The following TRPC3 variants were observed in gnomAD, a reference collection of about 807,000 sequenced individuals.
TRPC3 encodes the protein short transient receptor potential channel 3.
In TRPC3, 54 loss-of-function variants were observed where a neutral mutation model predicts 90.9. The observed-to-expected ratio is 0.59, with a 90% CI of 0.48 to 0.75. TRPC3 has a LOEUF of 0.75. TRPC3 is among the 30% of genes least tolerant of loss of function. TRPC3 has a pLI of 0.00. For missense variants in TRPC3, 918 were observed against 1,194.5 expected (o/e 0.77, Z 3.41); for synonymous variants, 424 against 450.9 (o/e 0.94, Z 0.75).
intron 2 of TRPC3, among the ~76,000 whole-genome samples, chr4:121,930,269 C>G (rs1729857128): frequency 6.6e-6 from 1 of 152,130 alleles, no homozygotes; most frequent in African/African-American, 2.4e-5. Flanking sequence ...CAAGCACTTT[C>G]CATATAATCT....
chr4:121,899,640 C>T lies in TRPC3; in HGVS notation c.2519G>A (p.Ser840Asn), dbSNP rs1281638595. Residue 840 changes from serine to asparagine, a missense_variant, in exon 10 of 12, where the codon AGC becomes AAC. Physicochemically the swap from Ser to Asn is conservative, Grantham distance 46. Transcript: ENST00000379645. ...SRVFESHSFNSILNQPTRYQQ... is the reference protein window; with the variant it reads ...SRVFESHSFNNILNQPTRYQQ... ...ATAACGTGTTGGCTGATTGAGAATGCTGTTAAAACTGTGTGATTCAAAAAC... is the reference window on the plus strand; with the variant it reads ...ATAACGTGTTGGCTGATTGAGAATGTTGTTAAAACTGTGTGATTCAAAAAC... 1.2e-5 allele frequency: 19 copies of T among 1,613,538 alleles called. No individual in the cohort carries two copies. The highest frequency in any genetic ancestry group is 1.6e-5 in the Non-Finnish European group (19 of 1,179,720).
In TRPC3 at chr4:121,905,215, AT is replaced by A. The variant is rs1465834965; in HGVS notation, c.2058-699del. Reference sequence around the variant, plus strand: ...CTTATATTCTTTTTTATATAAAAAAATCTCTGAAAATATCCAAAAGACACCA... The same window carrying A: ...CTTATATTCTTTTTTATATAAAAAAACTCTGAAAATATCCAAAAGACACCA... On this transcript the variant is annotated intron_variant, in intron 7 of 11. Coordinates refer to ENST00000379645, the MANE Select transcript of TRPC3 (RefSeq NM_001130698.2). 5.9e-5 allele frequency among the ~76,000 whole-genome samples: 9 copies of A among 152,288 alleles called. No homozygotes were observed. In the South Asian group the frequency reaches 1.0e-3, roughly 18 times the overall value.
chr4:121,910,094 C>A, intron 6 of TRPC3, 60 bp downstream of exon 6: 1 of 1,375,596 alleles, frequency 7.3e-7, no homozygotes, highest in South Asian at 1.2e-5. Context: ...CATTTCCTTC[C>A]AAAATGTGGT....
chr4:121,881,399 C>A (rs569130189), intron 11 of TRPC3, among the ~76,000 whole-genome samples: 1 of 151,950 alleles, frequency 6.6e-6, no homozygotes, highest in East Asian at 1.9e-4. Flanking sequence ...CCCTCTCCAC[C>A]CCCCATGGAG....
In TRPC3 at chr4:121,894,765, T is replaced by C. The variant is rs548400658; in HGVS notation, c.2547+4847A>G. 3.6e-4 allele frequency among the ~76,000 whole-genome samples: 54 copies of C among 152,048 alleles called. 1 individual carries two copies. Among genetic ancestry groups the C allele is most frequent in the Admixed American group, 3.3e-3 (50 of 15,262 alleles). On this transcript the variant is annotated intron_variant, in intron 10 of 11. Transcript: ENST00000379645. ...CTTTTGCAGAGACAAGGTCTCACCA[T>C]GTTGCCCAGGCTGGTCTCAAACTCC...
chr4:121,951,399 G>T lies in TRPC3; in HGVS notation c.215+67C>A. On this transcript the variant is annotated intron_variant, in intron 1 of 11. Transcript: ENST00000379645. This position sits in a 1 kb window ranked among gnomAD's most constrained non-coding sequence, Gnocchi z 4.4. ...GGCTCGACGTGGAGCCGCCCGGCGC[G>T]CGCCTTCCCGCCCCCCGCCCGGCAC... 9.3e-7 allele frequency: 1 copy of T among 1,071,494 alleles called. No individual in the cohort carries two copies. The highest frequency in any genetic ancestry group is 1.2e-6 in the Non-Finnish European group (1 of 868,708). 66.4% of individuals were successfully genotyped at this position (1,071,494 alleles called of 1,614,324 possible).
chr4:121,925,780 TCCCATGGTA>T (rs1188625638), intron 2 of TRPC3, among the ~76,000 whole-genome samples: 1 of 152,208 alleles, frequency 6.6e-6, no homozygotes, highest in African/African-American at 2.4e-5. Context: ...CATCGAAGCA[TCCCATGGTA>T]CCCATGGTAC....
intron 8 of TRPC3, among the ~76,000 whole-genome samples, chr4:121,903,595 C>T (rs190869309): frequency 7.0e-4 from 106 of 152,292 alleles, no homozygotes; most frequent in African/African-American, 2.4e-3. Flanking sequence ...ACTTGTTTTA[C>T]ATCTCCTTCC....
At chr4:121,890,431 A>G (rs1728285140) in intron 10 of TRPC3, among the ~76,000 whole-genome samples, 1 of 152,216 alleles carries the variant, frequency 6.6e-6, no homozygotes, top group Admixed American at 6.5e-5. Context: ...ACTGTATGCC[A>G]TAAGTATGCA....
Position 121,914,860 on chromosome 4 carries a change from T to C in TRPC3, c.1261A>G (p.Ile421Val), listed in dbSNP as rs139352023. 2 of 1,613,946 alleles carry C rather than the reference T, an allele frequency of 1.2e-6. No individual in the cohort carries two copies. Among genetic ancestry groups the C allele is most frequent in the East Asian group, 2.2e-5 (1 of 44,876 alleles). ...ACGACCAGCACAACGAGACACTTGA[T>C]AGCTATGGTCTGCTCCCTTAGGCCT... is the stretch of plus-strand genomic sequence containing the variant. Reference protein sequence around the residue: ...LSGLREQTIAIKCLVVLVVAL... With the variant: ...LSGLREQTIAVKCLVVLVVAL... The change falls in exon 4 of 12, where the codon ATC becomes GTC. Residue 421 changes from isoleucine (I) to valine (V), a missense_variant. Physicochemically the swap from Ile to Val is conservative, Grantham distance 29. Coordinates refer to ENST00000379645, the MANE Select transcript of TRPC3 (RefSeq NM_001130698.2).
rs577373404 is a variant in TRPC3, at chr4:121,901,080, A to G, written c.2464-1385T>C. Reference sequence around the variant, plus strand: ...CGTTTAGTATTTTCCCTTCTACATTATGATAATATCAGGAATGAAGTCAGT... The same window carrying G: ...CGTTTAGTATTTTCCCTTCTACATTGTGATAATATCAGGAATGAAGTCAGT... On this transcript the variant is annotated intron_variant, in intron 9 of 11. Transcript: ENST00000379645. Among the ~76,000 whole-genome samples, 34 of 152,284 alleles carry G rather than the reference A, an allele frequency of 2.2e-4. 1 individual carries two copies. The highest frequency in any genetic ancestry group is 8.3e-4 in the South Asian group (4 of 4,824).
chr4:121,899,548 AAC>A, intron 10 of TRPC3, 62 bp downstream of exon 10: 1 of 1,372,172 alleles, frequency 7.3e-7, no homozygotes, highest in Non-Finnish European at 1.0e-6. Context: ...CACACACACA[AAC>A]ACACACGCAG....
intron 3 of TRPC3, among the ~76,000 whole-genome samples, chr4:121,916,604 G>A (rs144276580): frequency 2.4e-3 from 361 of 152,312 alleles, no homozygotes; most frequent in Admixed American, 7.2e-3. Flanking sequence ...TTTCCACCAT[G>A]TGAGGATACA....
intron 2 of TRPC3, among the ~76,000 whole-genome samples, chr4:121,928,975 C>T (rs1039012977): frequency 6.6e-6 from 1 of 152,110 alleles, no homozygotes; most frequent in African/African-American, 2.4e-5. Flanking sequence ...ACTGCTTTAC[C>T]ACCTACTAGC....
intron 2 of TRPC3, among the ~76,000 whole-genome samples, chr4:121,927,812 G>T (rs1729771939): frequency 1.3e-5 from 2 of 152,130 alleles, no homozygotes; most frequent in Non-Finnish European, 2.9e-5. Context: ...CATTCAAGTT[G>T]GTACCATGCA....
intron 3 of TRPC3, among the ~76,000 whole-genome samples, chr4:121,921,924 T>G (rs201657648): frequency 1.2e-4 from 18 of 145,866 alleles, no homozygotes; most frequent in East Asian, 6.0e-4. Flanking sequence ...TTTTTGTTTT[T>G]TTTTTTTTTT....
At position 121,914,703 on chromosome 4, in the gene TRPC3, CA is replaced by C. The variant is rs1353743412; in HGVS notation, c.1341+76del. The C allele has an allele frequency of 2.2e-6, 3 of 1,375,590 alleles. No individual in the cohort carries two copies. In the East Asian group the frequency reaches 7.0e-5, roughly 32 times the overall value. The allele number at this position is 1,375,590 out of a possible 1,614,324, so 85.2% of individuals were successfully genotyped here. ...GGGTAAAACTGATAAGATTCTTAAG[CA>C]TGAAGCTTTTTATTTTTTTATCCCA... is the stretch of plus-strand genomic sequence containing the variant. On this transcript the variant is annotated intron_variant, in intron 4 of 11. Coordinates refer to ENST00000379645, the MANE Select transcript of TRPC3 (RefSeq NM_001130698.2).
In TRPC3 at chr4:121,925,188, A is replaced by T. The variant is rs1729659890; in HGVS notation, c.1006T>A (p.Ser336Thr). The change falls in exon 3 of 12, where the codon TCC (serine) becomes ACC (threonine). Residue 336 changes from serine (S) to threonine (T), a missense_variant. By Grantham distance (58) the Ser-to-Thr change is moderately conservative (BLOSUM62 1). This residue lies in a region of TRPC3 where 609 missense variants were observed against 725.9 expected (regional missense o/e 0.84). Transcript: ENST00000379645. ...ACTACAAAGTCTTTGCATTGCATGGAGAGCTTCCGATAGTCATTCTAAGAA... is the reference window on the plus strand; with the variant it reads ...ACTACAAAGTCTTTGCATTGCATGGTGAGCTTCCGATAGTCATTCTAAGAA... ...KEFKNDYRKL[S>T]MQCKDFVVGV... is the part of the protein sequence containing the mutation. 2 of 1,611,166 alleles carry T rather than the reference A, an allele frequency of 1.2e-6. No individual in the cohort carries two copies. The highest frequency in any genetic ancestry group is 2.7e-5 in the African/African-American group (2 of 74,728).
chr4:121,905,190 C>A (rs1185383254), intron 7 of TRPC3, among the ~76,000 whole-genome samples: 2 of 151,964 alleles, frequency 1.3e-5, no homozygotes, highest in African/African-American at 4.8e-5. Flanking sequence ...CATACAAATA[C>A]TTATATTCTT....
Sources: allele counts gnomAD v4.1 joint callset (sites outside exome capture counted in the v4.1 genomes callset), GRCh38; gene constraint gnomAD v4.1.1; regional missense constraint gnomAD v4.1.1; non-coding constraint Gnocchi (gnomAD v3.1); transcripts MANE v1.5; gene names NCBI Gene and HGNC (gene_info 2026-07-23, HGNC 2026-07-21).